SDHD: variants seen among roughly 807,000 people sequenced by gnomAD.
The protein encoded by SDHD is succinate dehydrogenase [ubiquinone] cytochrome b small subunit, mitochondrial.
SDHD carries 6 observed loss-of-function variants against 18.7 expected under a neutral mutation model. That is an observed-to-expected ratio of 0.32 (90% confidence interval 0.18 to 0.63). The LOEUF (loss-of-function observed/expected upper bound fraction) is 0.63, where lower values mean the gene tolerates loss of function less well. SDHD is among the 30% of genes least tolerant of loss of function. The pLI is 0.79. For synonymous variants in SDHD, 56 were observed against 73.9 expected (o/e 0.76, Z 1.24); for missense variants, 160 against 192.7 (o/e 0.83, Z 1.00).
At chr11:112,089,761 T>C (rs1035332766) in intron 3 of SDHD, among the ~76,000 whole-genome samples, 7 of 152,216 alleles carry the variant, frequency 4.6e-5, no homozygotes, top group Admixed American at 1.3e-4. Flanking sequence ...TAACCACTTA[T>C]TCAAAATTGC....
At chr11:112,090,527 G>A (rs1157408070) in intron 3 of SDHD, among the ~76,000 whole-genome samples, 1 of 152,110 alleles carries the variant, frequency 6.6e-6, no homozygotes, top group Non-Finnish European at 1.5e-5. Flanking sequence ...AGTTTTGCAA[G>A]GGACAATATG....
chr11:112,087,169 AAG>A (rs1221990871), intron 1 of SDHD, among the ~76,000 whole-genome samples: 1 of 152,198 alleles, frequency 6.6e-6, no homozygotes, highest in Non-Finnish European at 1.5e-5. Flanking sequence ...AATAATCAGA[AAG>A]AGAGCTCCCT....
intron 3 of SDHD, among the ~76,000 whole-genome samples, chr11:112,090,357 C>T (rs373324218): frequency 4.6e-5 from 7 of 151,962 alleles, no homozygotes; most frequent in Admixed American, 3.3e-4. Flanking sequence ...GTGATCTGCC[C>T]GCTTCAGCCT....
chr11:112,087,964 A>C lies in SDHD; in HGVS notation c.160A>C (p.Ser54Arg), dbSNP rs2135267524. Reference sequence around the variant, plus strand: ...AGTGCAGCACATACACTTGTCACCGAGCCACCATTGTATGTTCTCTCCATC... The same window carrying C: ...AGTGCAGCACATACACTTGTCACCGCGCCACCATTGTATGTTCTCTCCATC... The part of the protein sequence containing the change: ...CGVQHIHLSP[S>R]HHSGSKAASL... Residue 54 changes from serine to arginine, a missense_variant, in exon 2 of 4, where the codon AGC becomes CGC. Ser to Arg is a moderately radical substitution (Grantham distance 110, BLOSUM62 -1). Transcript: ENST00000375549. 8.1e-6 allele frequency: 13 copies of C among 1,604,768 alleles called. No homozygotes were observed. The highest frequency in any genetic ancestry group is 1.1e-5 in the Non-Finnish European group (13 of 1,171,422).
rs1444622551 is a variant in SDHD, at chr11:112,095,530, A to G, written c.*560A>G. The G allele has an allele frequency of 1.3e-5, 3 of 234,646 alleles. No individual in the cohort carries two copies. Among genetic ancestry groups the G allele is most frequent in the Non-Finnish European group, 2.5e-5 (3 of 118,932 alleles). 14.5% of individuals were successfully genotyped at this position (234,646 alleles called of 1,614,324 possible). On this transcript the variant is annotated 3_prime_UTR_variant, in exon 4 of 4. Transcript: ENST00000375549. ...ATAAATTTCTAAATCCTAGGAAGAAACGCTTGGAGTGCTTCTGAATATACA... is the reference window on the plus strand; with the variant it reads ...ATAAATTTCTAAATCCTAGGAAGAAGCGCTTGGAGTGCTTCTGAATATACA...
At chr11:112,092,981 T>C (rs565660117) in intron 3 of SDHD, 3 of 191,540 alleles carry the variant, frequency 1.6e-5, no homozygotes, top group East Asian at 1.8e-4. Flanking sequence ...TGGATGAACA[T>C]TGAAAACATT....
Position 112,095,045 on chromosome 11 carries a change from A to C in SDHD, c.*75A>C. ...GCTTTGTCATGCCATTAAGCTCACAATAAGGAAGAAATAACAGATAAGTCC... is the reference window on the plus strand; with the variant it reads ...GCTTTGTCATGCCATTAAGCTCACACTAAGGAAGAAATAACAGATAAGTCC... On this transcript the variant is annotated 3_prime_UTR_variant, in exon 4 of 4. Coordinates refer to ENST00000375549, the MANE Select transcript of SDHD (RefSeq NM_003002.4). The C allele has an allele frequency of 8.7e-7, 1 of 1,149,036 alleles. No individual in the cohort carries two copies. The highest frequency in any genetic ancestry group is 1.3e-6 in the Non-Finnish European group (1 of 761,680). The allele number at this position is 1,149,036 out of a possible 1,614,324, so 71.2% of individuals were successfully genotyped here. A position where few individuals can be genotyped will look rare whatever the true frequency, so the allele number is the denominator to read the frequency against.
At chr11:112,088,765 T>C (rs1027987517) in intron 2 of SDHD, 102 bp from the exon 3 acceptor site, 3 of 1,249,502 alleles carry the variant, frequency 2.4e-6, no homozygotes, top group Admixed American at 3.4e-5. Flanking sequence ...TTATATCCTA[T>C]ATGTACACTG....
intron 3 of SDHD, among the ~76,000 whole-genome samples, chr11:112,092,178 A>AACC (rs1468667515): frequency 6.6e-6 from 1 of 152,152 alleles, no homozygotes; most frequent in Non-Finnish European, 1.5e-5. Flanking sequence ...AGGTGCAGCA[A>AACC]ACCACCATGG....
intron 1 of SDHD, among the ~76,000 whole-genome samples, chr11:112,087,638 A>G (rs770662196): frequency 6.6e-6 from 1 of 152,216 alleles, no homozygotes; most frequent in African/African-American, 2.4e-5. Context: ...AGTTAGGTTA[A>G]AGAATGCCTG....
intron 2 of SDHD, chr11:112,088,230 C>G (rs552869266): frequency 1.5e-5 from 7 of 463,668 alleles, no homozygotes; most frequent in African/African-American, 7.9e-5. Context: ...GACAGAGTCT[C>G]GCTCTGTTAT....
intron 1 of SDHD, among the ~76,000 whole-genome samples, chr11:112,087,337 G>A (rs1226940976): frequency 1.3e-5 from 2 of 152,172 alleles, no homozygotes; most frequent in Non-Finnish European, 2.9e-5. Context: ...GTTTGGATGT[G>A]GGAGTGGAGG....
intron 3 of SDHD, chr11:112,092,934 C>A: frequency 5.6e-6 from 1 of 177,254 alleles, no homozygotes; most frequent in South Asian, 8.0e-5. Flanking sequence ...ATTATTCAGC[C>A]ATACAAAGGA....
At chr11:112,094,274 T>G (rs1171407319) in intron 3 of SDHD, among the ~76,000 whole-genome samples, 2 of 152,020 alleles carry the variant, frequency 1.3e-5, no homozygotes, top group Non-Finnish European at 2.9e-5. Context: ...GGTGGGCGCC[T>G]GTAGTCCCAG....
In SDHD at chr11:112,094,809, C is replaced by T. The variant is rs1209781530; in HGVS notation, c.319C>T (p.Leu107Phe). ...AALTLHGHWGLGQVVTDYVHG... is the reference protein window; with the variant it reads ...AALTLHGHWGFGQVVTDYVHG... ...TGATTTTTTCTTTTTCTTTAGGGGC[C>T]TTGGACAAGTTGTTACTGACTATGT... The change falls in exon 4 of 4, where the codon CTT (leucine) becomes TTT (phenylalanine). Residue 107 changes from leucine (L) to phenylalanine (F), a missense_variant. Coordinates refer to ENST00000375549, the MANE Select transcript of SDHD (RefSeq NM_003002.4). The T allele has an allele frequency of 1.9e-6, 3 of 1,611,756 alleles. No homozygotes were observed. The highest frequency in any genetic ancestry group is 2.5e-6 in the Non-Finnish European group (3 of 1,179,716).
intron 3 of SDHD, among the ~76,000 whole-genome samples, chr11:112,092,867 A>G (rs1255546444): frequency 6.6e-6 from 1 of 152,132 alleles, no homozygotes; most frequent in Non-Finnish European, 1.5e-5. Context: ...AAACAATCCA[A>G]ATGGCTGTCA....
In SDHD at chr11:112,095,657, A is replaced by G. The variant is rs945574833; in HGVS notation, c.*687A>G. ...AATGTATTCTACTTGTTCTAAAACAATCTGTCCACAAATATAAAACTATAA... is the reference window on the plus strand; with the variant it reads ...AATGTATTCTACTTGTTCTAAAACAGTCTGTCCACAAATATAAAACTATAA... On this transcript the variant is annotated 3_prime_UTR_variant, in exon 4 of 4. Transcript: ENST00000375549. 1.3e-5 allele frequency: 3 copies of G among 224,850 alleles called. No individual in the cohort carries two copies. The highest frequency in any genetic ancestry group is 2.7e-5 in the Non-Finnish European group (3 of 113,118). 13.9% of individuals were successfully genotyped at this position (224,850 alleles called of 1,614,324 possible). A position where few individuals can be genotyped will look rare whatever the true frequency, so the allele number is the denominator to read the frequency against.
rs985775838 is a variant in SDHD at position 112,095,195 on chromosome 11, G to T, written c.*225G>T. On this transcript the variant is annotated 3_prime_UTR_variant, in exon 4 of 4. Coordinates refer to ENST00000375549, the MANE Select transcript of SDHD (RefSeq NM_003002.4). ...AGTTCTATATTCTGGTGAGTTAATGGGGTTGCCTCCCAGCTTCTTATAAGA... is the reference window on the plus strand; with the variant it reads ...AGTTCTATATTCTGGTGAGTTAATGTGGTTGCCTCCCAGCTTCTTATAAGA... 5.4e-5 allele frequency: 30 copies of T among 553,390 alleles called. No individual in the cohort carries two copies. The Admixed American group carries it at 8.0e-4, about 15-fold the overall frequency. 34.3% of individuals were successfully genotyped at this position (553,390 alleles called of 1,614,324 possible).
intron 3 of SDHD, among the ~76,000 whole-genome samples, chr11:112,090,546 G>GT (rs1251317279): frequency 6.6e-6 from 1 of 152,130 alleles, no homozygotes; most frequent in Non-Finnish European, 1.5e-5. Flanking sequence ...TGTTGTCATT[G>GT]TGGGGGGTAG....
Sources: gnomAD v4.1 joint callset for allele counts (sites outside exome capture counted in the v4.1 genomes callset) on GRCh38, gnomAD v4.1.1 for gene constraint, MANE v1.5 for transcripts, NCBI Gene and HGNC (gene_info 2026-07-23, HGNC 2026-07-21) for gene names.